Variants in UPF1 observed in about 807,000 individuals in gnomAD.
The protein encoded by UPF1 is regulator of nonsense transcripts 1.
Under a neutral mutation model 129.2 loss-of-function variants are expected in UPF1, and 9 were observed. The observed-to-expected ratio is 0.07, with a 90% CI of 0.04 to 0.12. The LOEUF (loss-of-function observed/expected upper bound fraction) is 0.12, where lower values mean the gene tolerates loss of function less well. Ranked by LOEUF, UPF1 falls within the 10% of genes least tolerant of loss-of-function variation. UPF1 has a pLI of 1.00. For missense variants in UPF1, 788 were observed against 1,525.3 expected (o/e 0.52, Z 8.05); for synonymous variants, 649 against 644.9 (o/e 1.01, Z -0.10).
At chr19:18,861,932 C>G (rs1192715893) in intron 17 of UPF1, 78 bp from the exon 18 acceptor site, 2 of 1,565,250 alleles carry the variant, frequency 1.3e-6, no homozygotes, top group Non-Finnish European at 1.7e-6. Flanking sequence ...GAGGGTGGGT[C>G]TTGGTGTGTT....
At chr19:18,836,127 T>C (rs1272069011) in intron 1 of UPF1, among the ~76,000 whole-genome samples, 4 of 152,218 alleles carry the variant, frequency 2.6e-5, no homozygotes, top group Non-Finnish European at 5.9e-5. Flanking sequence ...TTGCCAAGTG[T>C]CCTTAAGATA....
At chr19:18,844,163 C>A (rs1433452516) in intron 1 of UPF1, among the ~76,000 whole-genome samples, 1 of 151,972 alleles carries the variant, frequency 6.6e-6, no homozygotes, top group Non-Finnish European at 1.5e-5. Flanking sequence ...TAGCTAGGTT[C>A]ACATCCAGAA....
At position 18,855,180 on chromosome 19, in the gene UPF1, A is replaced by G; in HGVS notation, c.1482A>G (p.Pro494=). ...CACTGAGCCTGATCCAGGGCCCGCC[A>G]GGCACGGGGAAGACGGTGACGTCGG... ...QRPLSLIQGP[P]GTGKTVTSAT... The change falls in exon 11 of 24, where the codon CCA becomes CCG. Residue 494 remains proline (P), a synonymous_variant. Transcript: ENST00000262803. 1 of 1,613,726 alleles carries G rather than the reference A, an allele frequency of 6.2e-7. No individual in the cohort carries two copies. Among genetic ancestry groups the G allele is most frequent in the Non-Finnish European group, 8.5e-7 (1 of 1,179,980 alleles).
At chr19:18,845,841 A>G (rs1162780661) in intron 1 of UPF1, 139 bp from the exon 2 acceptor site, 15 of 1,326,302 alleles carry the variant, frequency 1.1e-5, no homozygotes, top group African/African-American at 1.5e-5. Context: ...GAGAAGAGTG[A>G]AATCCAGTCA....
chr19:18,841,154 C>T (rs1423110366), intron 1 of UPF1, among the ~76,000 whole-genome samples: 2 of 152,240 alleles, frequency 1.3e-5, no homozygotes, highest in African/African-American at 4.8e-5. Flanking sequence ...GAAACGTCTA[C>T]GATGAATTCT....
chr19:18,851,197 A>C lies in UPF1; in HGVS notation c.810+329A>C. On this transcript the variant is annotated intron_variant, in intron 5 of 23. Transcript: ENST00000262803. The surrounding 1 kb of genome is among the most constrained non-coding windows in gnomAD (Gnocchi z 4.2). ...GGCAGACTTGTCCTGCAGAGCCTGA[A>C]CCTGCCCAGACAGGTGGGCTGCGAG... The C allele has an allele frequency of 4.7e-6, 1 of 212,680 alleles. No homozygotes were observed. The highest frequency in any genetic ancestry group is 9.5e-6 in the Non-Finnish European group (1 of 105,538). The allele number at this position is 212,680 out of a possible 1,614,324, so 13.2% of individuals were successfully genotyped here. A position where few individuals can be genotyped will look rare whatever the true frequency, so the allele number is the denominator to read the frequency against.
chr19:18,859,501 T>C (rs1023784590), intron 15 of UPF1: 1 of 152,194 alleles, frequency 6.6e-6, no homozygotes, highest in Admixed American at 6.5e-5. Context: ...GCCCCTGGGC[T>C]GAGGGACTTC....
intron 1 of UPF1, among the ~76,000 whole-genome samples, chr19:18,836,110 C>T (rs2055481170): frequency 6.6e-6 from 1 of 152,206 alleles, no homozygotes; most frequent in African/African-American, 2.4e-5. Flanking sequence ...AAAGCGCTGA[C>T]ACAGTATTGC....
rs1242199678 is a variant in UPF1, at chr19:18,866,934, C to G, written c.*417C>G. On this transcript the variant is annotated 3_prime_UTR_variant, in exon 24 of 24. Coordinates refer to ENST00000262803, the MANE Select transcript of UPF1 (RefSeq NM_002911.4). ...TTTCTGTGCCCGAGCAGGCTCCTTGCAAAGACAGCAGCGTGCGGGGCAGAG... is the reference window on the plus strand; with the variant it reads ...TTTCTGTGCCCGAGCAGGCTCCTTGGAAAGACAGCAGCGTGCGGGGCAGAG... 6.6e-6 allele frequency: 1 copy of G among 152,634 alleles called. No individual in the cohort carries two copies. Among genetic ancestry groups the G allele is most frequent in the Non-Finnish European group, 1.5e-5 (1 of 68,056 alleles). 9.5% of individuals were successfully genotyped at this position (152,634 alleles called of 1,614,324 possible). A position where few individuals can be genotyped will look rare whatever the true frequency, so the allele number is the denominator to read the frequency against.
In UPF1 at chr19:18,857,542, G is replaced by A. The variant is rs1189778548; in HGVS notation, c.2182+9G>A. On this transcript the variant is annotated intron_variant, in intron 15 of 23. Coordinates refer to ENST00000262803, the MANE Select transcript of UPF1 (RefSeq NM_002911.4). The stretch of plus-strand genomic sequence containing the variant: ...GAATGGTGTCACTGCAGGTAACGGG[G>A]CTCTGCCCAGGGCAGGGGCTTCTAC... 8 of 1,605,692 alleles carry A rather than the reference G, an allele frequency of 5.0e-6. No individual in the cohort carries two copies. The highest frequency in any genetic ancestry group is 6.8e-6 in the Non-Finnish European group (8 of 1,176,174).
rs1217068384 is a variant in UPF1 at position 18,850,853 on chromosome 19, G to A, written c.795G>A (p.Leu265=). 2.5e-6 allele frequency: 4 copies of A among 1,590,744 alleles called. No homozygotes were observed. Among genetic ancestry groups the A allele is most frequent in the Non-Finnish European group, 3.4e-6 (4 of 1,167,678 alleles). The change falls in exon 5 of 24, where the codon CTG becomes CTA. Residue 265 remains leucine (L), a synonymous_variant. Coordinates refer to ENST00000262803, the MANE Select transcript of UPF1 (RefSeq NM_002911.4). The surrounding 1 kb of genome is among the most constrained non-coding windows in gnomAD (Gnocchi z 7.1). The stretch of plus-strand genomic sequence containing the variant: ...TCACGGCACAGCAGATCAACAAGCT[G>A]GAGGAGCTGTGGAAGGTGGGGCTGC... ...RQITAQQINK[L]EELWKENPSA...
rs1240892279 is a variant in UPF1 at position 18,865,173 on chromosome 19, T to C, written c.2858-116T>C. On this transcript the variant is annotated intron_variant, in intron 20 of 23. Coordinates refer to ENST00000262803, the MANE Select transcript of UPF1 (RefSeq NM_002911.4). The surrounding 1 kb of genome is among the most constrained non-coding windows in gnomAD (Gnocchi z 6.1). ...GTCCTGCGAATCCGCATCTTCAGCC[T>C]GGGCAGAGCCAGGACAGATGTGCAG... 1.5e-6 allele frequency: 2 copies of C among 1,315,426 alleles called. No homozygotes were observed. Among genetic ancestry groups the C allele is most frequent in the Non-Finnish European group, 2.1e-6 (2 of 970,886 alleles). The allele number at this position is 1,315,426 out of a possible 1,614,324, so 81.5% of individuals were successfully genotyped here.
Position 18,850,639 on chromosome 19 carries a change from G to A in UPF1, c.630-49G>A, listed in dbSNP as rs752755110. Reference sequence around the variant, plus strand: ...ATGGGAGGGGGCCCTCCCTGCTCCGGGGCTTCAGGGACGGGAGCTGGTCCT... The same window carrying A: ...ATGGGAGGGGGCCCTCCCTGCTCCGAGGCTTCAGGGACGGGAGCTGGTCCT... On this transcript the variant is annotated intron_variant, in intron 4 of 23. Coordinates refer to ENST00000262803, the MANE Select transcript of UPF1 (RefSeq NM_002911.4). The surrounding 1 kb of genome is among the most constrained non-coding windows in gnomAD (Gnocchi z 7.1). The A allele has an allele frequency of 6.7e-7, 1 of 1,500,904 alleles. No homozygotes were observed. The highest frequency in any genetic ancestry group is 2.3e-5 in the Admixed American group (1 of 43,766). 93.0% of individuals were successfully genotyped at this position (1,500,904 alleles called of 1,614,324 possible).
intron 15 of UPF1, among the ~76,000 whole-genome samples, chr19:18,857,915 G>A (rs1436797966): frequency 1.3e-5 from 2 of 152,226 alleles, no homozygotes; most frequent in African/African-American, 2.4e-5. Flanking sequence ...CCGCAAGACC[G>A]TGTCCGGCTT....
intron 13 of UPF1, among the ~76,000 whole-genome samples, chr19:18,856,585 A>G (rs1435742545): frequency 6.6e-6 from 1 of 152,224 alleles, no homozygotes; most frequent in Admixed American, 6.5e-5. Flanking sequence ...AACTGGAATC[A>G]GCCTGAGTGC....
At chr19:18,837,375 A>C (rs901142134) in intron 1 of UPF1, among the ~76,000 whole-genome samples, 2 of 152,178 alleles carry the variant, frequency 1.3e-5, no homozygotes, top group African/African-American at 4.8e-5. Flanking sequence ...AGAGTGAGCC[A>C]TTGAGCCTGG....
chr19:18,847,739 T>C lies in UPF1; in HGVS notation c.372-5T>C. 1 of 1,613,272 alleles carries C rather than the reference T, an allele frequency of 6.2e-7. No individual in the cohort carries two copies. Among genetic ancestry groups the C allele is most frequent in the Non-Finnish European group, 8.5e-7 (1 of 1,179,240 alleles). On this transcript the variant is annotated splice_polypyrimidine_tract_variant and splice_region_variant and intron_variant, in intron 2 of 23. Transcript: ENST00000262803. Reference sequence around the variant, plus strand: ...GCTGTAACTGTCGCTGTTTTGATTTTTTAGTTACTGTGGAATACACGATCC... The same window carrying C: ...GCTGTAACTGTCGCTGTTTTGATTTCTTAGTTACTGTGGAATACACGATCC...
Position 18,850,919 on chromosome 19 carries a change from G to T in UPF1, c.810+51G>T. On this transcript the variant is annotated intron_variant, in intron 5 of 23. Transcript: ENST00000262803. This position sits in a 1 kb window ranked among gnomAD's most constrained non-coding sequence, Gnocchi z 7.1. ...GTGCCTTCGTGTGGTTTCTGGTTGC[G>T]GGGAGGGGAGTGTCTTCAGAGACGG... The T allele has an allele frequency of 6.8e-7, 1 of 1,474,596 alleles. No individual in the cohort carries two copies. The highest frequency in any genetic ancestry group is 9.0e-7 in the Non-Finnish European group (1 of 1,107,912). The allele number at this position is 1,474,596 out of a possible 1,614,324, so 91.3% of individuals were successfully genotyped here.
chr19:18,842,604 G>A (rs1356293814), intron 1 of UPF1, among the ~76,000 whole-genome samples: 1 of 152,112 alleles, frequency 6.6e-6, no homozygotes, highest in African/African-American at 2.4e-5. Context: ...CCTTGAGAGG[G>A]CTCAGAGACC....
Sources: allele counts gnomAD v4.1 joint callset (sites outside exome capture counted in the v4.1 genomes callset), GRCh38; gene constraint gnomAD v4.1.1; non-coding constraint Gnocchi (gnomAD v3.1); transcripts MANE v1.5; gene names NCBI Gene and HGNC (gene_info 2026-07-23, HGNC 2026-07-21).